The following TUFT1 variants were observed in gnomAD, a reference collection of about 807,000 sequenced individuals.
The protein encoded by TUFT1 is tuftelin.
In TUFT1, 43 loss-of-function variants were observed where a neutral mutation model predicts 57.8. That is an observed-to-expected ratio of 0.74 (90% CI 0.58 to 0.96). The LOEUF (loss-of-function observed/expected upper bound fraction) is 0.96, where lower values mean the gene tolerates loss of function less well. Among genes scored for constraint, TUFT1 ranks in the 40% least tolerant of loss-of-function variants. The pLI is 0.00. For synonymous variants in TUFT1, 166 were observed against 176.7 expected (o/e 0.94, Z 0.48); for missense variants, 459 against 489.0 (o/e 0.94, Z 0.58).
At chr1:151,567,655 C>T (rs1214604982) in intron 6 of TUFT1, among the ~76,000 whole-genome samples, 5 of 152,128 alleles carry the variant, frequency 3.3e-5, no homozygotes, top group Admixed American at 6.5e-5. Flanking sequence ...AAGCAATTCT[C>T]GTGCCTCAGC....
intron 5 of TUFT1, among the ~76,000 whole-genome samples, chr1:151,565,546 A>G (rs1039316387): frequency 6.6e-6 from 1 of 152,250 alleles, no homozygotes; most frequent in African/African-American, 2.4e-5. Flanking sequence ...TTGAGCTCAC[A>G]TCTGGCTGGT....
At position 151,561,648 on chromosome 1, in the gene TUFT1, C is replaced by CT; in HGVS notation, c.61-442dup. 3 of 1,195,940 alleles carry CT rather than the reference C, an allele frequency of 2.5e-6. No individual in the cohort carries two copies. The South Asian group carries it at 4.7e-5, about 19-fold the overall frequency. 74.1% of individuals were successfully genotyped at this position (1,195,940 alleles called of 1,614,324 possible). A position where few individuals can be genotyped will look rare whatever the true frequency, so the allele number is the denominator to read the frequency against. On this transcript the variant is annotated intron_variant, in intron 1 of 12. Coordinates refer to ENST00000368849, the MANE Select transcript of TUFT1 (RefSeq NM_020127.3). ...TGGGAGTTTGAATTCAGGTACTTTC[C>CT]TATAGTTTAGTTCAGGAAGAATATG... is the stretch of plus-strand genomic sequence containing the variant.
Position 151,559,470 on chromosome 1 carries a change from T to C in TUFT1, c.61-2621T>C, listed in dbSNP as rs111813839. Among the ~76,000 whole-genome samples the C allele has an allele frequency of 1.5e-3, 232 of 152,098 alleles. 3 individuals are homozygous for C. Among genetic ancestry groups the C allele is most frequent in the African/African-American group, 5.3e-3 (219 of 41,472 alleles). On this transcript the variant is annotated intron_variant, in intron 1 of 12. Coordinates refer to ENST00000368849, the MANE Select transcript of TUFT1 (RefSeq NM_020127.3). ...ACGCCTTAGGTGAAAATGGGAAGAA[T>C]AGATATTTAAGGCACAGGAAATGAT...
At chr1:151,578,499 G>A (rs906755152) in intron 9 of TUFT1, among the ~76,000 whole-genome samples, 14 of 152,106 alleles carry the variant, frequency 9.2e-5, no homozygotes, top group African/African-American at 2.9e-4. Flanking sequence ...TAGTAGAGGT[G>A]GGGTTTCACT....
chr1:151,548,832 C>T (rs909983826), intron 1 of TUFT1, among the ~76,000 whole-genome samples: 1 of 152,124 alleles, frequency 6.6e-6, no homozygotes, highest in African/African-American at 2.4e-5. Flanking sequence ...TCCTAGTGAC[C>T]CCTGTAAAAC....
chr1:151,565,520 G>A (rs1666040133), intron 5 of TUFT1, among the ~76,000 whole-genome samples: 1 of 152,242 alleles, frequency 6.6e-6, no homozygotes. Flanking sequence ...TTGGCTGAAG[G>A]TAGGTCTTTC....
At chr1:151,567,325 T>A (rs548905182) in intron 6 of TUFT1, among the ~76,000 whole-genome samples, 1 of 152,154 alleles carries the variant, frequency 6.6e-6, no homozygotes, top group African/African-American at 2.4e-5. Context: ...GTAGTCCTCC[T>A]GCCTCAGCCT....
intron 3 of TUFT1, among the ~76,000 whole-genome samples, chr1:151,562,963 A>G (rs1252297456): frequency 6.6e-6 from 1 of 152,210 alleles, no homozygotes; most frequent in Non-Finnish European, 1.5e-5. Context: ...TTTTGCTGCT[A>G]GAGGTTGTGG....
intron 1 of TUFT1, among the ~76,000 whole-genome samples, chr1:151,555,257 A>G (rs1368074150): frequency 6.7e-6 from 1 of 149,960 alleles, no homozygotes; most frequent in African/African-American, 2.5e-5. Context: ...TGAACTGGGG[A>G]GTCAGAGGGT....
At chr1:151,545,252 G>A (rs1206937117) in intron 1 of TUFT1, among the ~76,000 whole-genome samples, 1 of 152,014 alleles carries the variant, frequency 6.6e-6, no homozygotes, top group Non-Finnish European at 1.5e-5. Flanking sequence ...GGCGGTTGCA[G>A]TGAGCCGAGA....
chr1:151,543,586 C>G (rs1665234820), intron 1 of TUFT1, among the ~76,000 whole-genome samples: 1 of 152,100 alleles, frequency 6.6e-6, no homozygotes, highest in African/African-American at 2.4e-5. Flanking sequence ...GGAAATAGAG[C>G]AGTTCACAGA....
At chr1:151,564,982 A>T in intron 5 of TUFT1, 1 of 171,946 alleles carries the variant, frequency 5.8e-6, no homozygotes, top group Non-Finnish European at 1.3e-5. Context: ...GTAAATCCAC[A>T]CTTCTCATAA....
chr1:151,579,874 C>A, intron 11 of TUFT1, 142 bp downstream of exon 11: 1 of 780,270 alleles, frequency 1.3e-6, no homozygotes, highest in Non-Finnish European at 2.1e-6. Context: ...GGTTGACTTT[C>A]AGTTCAGCTG....
chr1:151,540,826 C>T, intron 1 of TUFT1: 1 of 182,324 alleles, frequency 5.5e-6, no homozygotes, highest in Non-Finnish European at 1.2e-5. Context: ...TAGGCTTTCC[C>T]GTGGGTCGAG....
chr1:151,555,184 C>T (rs1410887551), intron 1 of TUFT1, among the ~76,000 whole-genome samples: 1 of 151,132 alleles, frequency 6.6e-6, no homozygotes, highest in Non-Finnish European at 1.5e-5. Context: ...AAAAACTTAG[C>T]CAGCTATGGT....
At chr1:151,560,735 GA>G (rs1163916291) in intron 1 of TUFT1, among the ~76,000 whole-genome samples, 1 of 152,162 alleles carries the variant, frequency 6.6e-6, no homozygotes, top group African/African-American at 2.4e-5. Flanking sequence ...ATGGAATCCA[GA>G]AGGAGCCTGA....
chr1:151,568,964 C>T (rs556947216), intron 6 of TUFT1, among the ~76,000 whole-genome samples: 2 of 152,334 alleles, frequency 1.3e-5, no homozygotes, highest in South Asian at 4.1e-4. Context: ...GGGACACTGT[C>T]TTCCTCCAGT....
intron 12 of TUFT1, 133 bp from the exon 13 acceptor site, chr1:151,581,511 G>A: frequency 1.2e-6 from 1 of 818,176 alleles, no homozygotes; most frequent in Admixed American, 2.3e-5. Flanking sequence ...AAAGCACTTG[G>A]AACCCAAGTG....
chr1:151,558,660 C>T (rs1386030437), intron 1 of TUFT1, among the ~76,000 whole-genome samples: 2 of 152,046 alleles, frequency 1.3e-5, no homozygotes, highest in Admixed American at 6.6e-5. Flanking sequence ...AATTGGAATG[C>T]GTAGGTTTAT....
Sources: allele counts gnomAD v4.1 joint callset (sites outside exome capture counted in the v4.1 genomes callset), GRCh38; gene constraint gnomAD v4.1.1; transcripts MANE v1.5; gene names NCBI Gene and HGNC (gene_info 2026-07-23, HGNC 2026-07-21).